The following NRG3 variants were observed in gnomAD, a reference collection of about 807,000 sequenced individuals.
The protein encoded by NRG3 is neuregulin 3.
Under a neutral mutation model 66.9 loss-of-function variants are expected in NRG3, and 31 were observed. The ratio of observed to expected loss-of-function variants is 0.46; its 90% CI spans 0.35 to 0.63. The LOEUF (loss-of-function observed/expected upper bound fraction) is 0.63, where lower values mean the gene tolerates loss of function less well. NRG3 is among the 20% of genes least tolerant of loss of function. The pLI is 0.00. For synonymous variants in NRG3, 393 were observed against 359.4 expected, an observed-to-expected ratio of 1.09 and a Z score of -1.06; for missense variants, 910 against 878.9, an observed-to-expected ratio of 1.04 and a Z score of -0.45.
intron 1 of NRG3, among the ~76,000 whole-genome samples, chr10:82,121,110 G>A (rs2068062518): frequency 6.6e-6 from 1 of 152,042 alleles, no homozygotes; most frequent in South Asian, 2.1e-4. Context: ...TCTGGTGCTC[G>A]ATGCCTCAGT....
intron 1 of NRG3, among the ~76,000 whole-genome samples, chr10:82,309,403 T>A (rs982184381): frequency 6.6e-6 from 1 of 152,154 alleles, no homozygotes; most frequent in African/African-American, 2.4e-5. Flanking sequence ...TCTTGCAGTA[T>A]TTTGAAGTCT....
chr10:82,028,398 A>G (rs954341000), intron 1 of NRG3, among the ~76,000 whole-genome samples: 4 of 151,686 alleles, frequency 2.6e-5, no homozygotes, highest in Non-Finnish European at 4.4e-5. Context: ...GCTCTTCAAT[A>G]GTCTCACTCT....
At chr10:81,919,662 T>A (rs1308650578) in intron 1 of NRG3, among the ~76,000 whole-genome samples, 1 of 151,982 alleles carries the variant, frequency 6.6e-6, no homozygotes, top group Non-Finnish European at 1.5e-5. Flanking sequence ...AAATGACAGG[T>A]TCCCCCAAAA....
chr10:82,166,773 GCTTTAA>G (rs1311191513), intron 1 of NRG3: 1 of 684,230 alleles, frequency 1.5e-6, no homozygotes, highest in Non-Finnish European at 2.7e-6. Context: ...TGGAGGACTT[GCTTTAA>G]CATTTCAAGT....
chr10:82,662,749 G>T (rs1364221559), intron 2 of NRG3, among the ~76,000 whole-genome samples: 1 of 152,154 alleles, frequency 6.6e-6, no homozygotes, highest in South Asian at 2.1e-4. Flanking sequence ...AAAAGCTTGG[G>T]CAGGGTAGAA....
chr10:82,946,812 A>G (rs1849071923), intron 4 of NRG3, among the ~76,000 whole-genome samples: 1 of 152,178 alleles, frequency 6.6e-6, no homozygotes, highest in Non-Finnish European at 1.5e-5. Flanking sequence ...ATTGCCTGCT[A>G]CATGGAGAAT....
chr10:82,904,138 GC>G (rs1224110116), intron 4 of NRG3, among the ~76,000 whole-genome samples: 1 of 152,174 alleles, frequency 6.6e-6, no homozygotes, highest in Non-Finnish European at 1.5e-5. Context: ...GCCACATGTG[GC>G]CCAGGACAGC....
At chr10:82,931,886 G>A (rs1847611743) in intron 4 of NRG3, among the ~76,000 whole-genome samples, 1 of 152,148 alleles carries the variant, frequency 6.6e-6, no homozygotes, top group Non-Finnish European at 1.5e-5. Flanking sequence ...TACAGCATGT[G>A]TTTGAGTCCC....
intron 2 of NRG3, among the ~76,000 whole-genome samples, chr10:82,637,937 A>G (rs2133787733): frequency 6.6e-6 from 1 of 152,130 alleles, no homozygotes. Context: ...AAATGTCCTC[A>G]TTTGTGAGAA....
intron 7 of NRG3, among the ~76,000 whole-genome samples, chr10:82,975,936 C>A (rs1287060547): frequency 5.9e-5 from 9 of 152,134 alleles, no homozygotes; most frequent in Non-Finnish European, 1.3e-4. Flanking sequence ...GCTATTAATT[C>A]AAAGCCATTA....
chr10:82,385,819 A>G (rs1384371885), intron 2 of NRG3, among the ~76,000 whole-genome samples: 2 of 152,170 alleles, frequency 1.3e-5, no homozygotes, highest in East Asian at 3.8e-4. Flanking sequence ...GGCAAGAGGT[A>G]TAGTGAAAAA....
intron 2 of NRG3, among the ~76,000 whole-genome samples, chr10:82,535,902 CTTT>C (rs34319022): frequency 5.6e-4 from 74 of 132,956 alleles, no homozygotes; most frequent in Non-Finnish European, 5.3e-4. Context: ...TTAAAGTAGT[CTTT>C]TTTTTTTTTT....
intron 1 of NRG3, among the ~76,000 whole-genome samples, chr10:82,127,146 G>T (rs1226773000): frequency 6.6e-6 from 1 of 152,140 alleles, no homozygotes; most frequent in Non-Finnish European, 1.5e-5. Flanking sequence ...GAGGGTGGCT[G>T]CAGGTGCTGC....
rs200364357 is a variant in NRG3, at chr10:82,730,461, G to C, written c.954-8116G>C. Among the ~76,000 whole-genome samples the C allele has an allele frequency of 1.2e-4, 18 of 152,242 alleles. No individual in the cohort carries two copies. The East Asian group carries it at 3.3e-3, about 28-fold the overall frequency. ...CAGAGTGACATTTTAAGCAATGCTT[G>C]CATCAGACAAAAAATGTATGATGTA... On this transcript the variant is annotated intron_variant, in intron 2 of 8. Coordinates refer to ENST00000372141, the MANE Select transcript of NRG3 (RefSeq NM_001010848.4).
At chr10:82,001,297 G>A (rs761541742) in intron 1 of NRG3, among the ~76,000 whole-genome samples, 6 of 152,020 alleles carry the variant, frequency 3.9e-5, no homozygotes, top group Non-Finnish European at 8.8e-5. Flanking sequence ...GAGGTCAGGA[G>A]TTTGAGACCA....
At chr10:82,260,497 A>G (rs1021313569) in intron 1 of NRG3, among the ~76,000 whole-genome samples, 3 of 152,188 alleles carry the variant, frequency 2.0e-5, no homozygotes, top group African/African-American at 7.2e-5. Flanking sequence ...TAACATGACA[A>G]TGACAGGTTG....
chr10:82,077,161 C>A (rs1331456524), intron 1 of NRG3, among the ~76,000 whole-genome samples: 3 of 152,128 alleles, frequency 2.0e-5, no homozygotes, highest in Non-Finnish European at 4.4e-5. Context: ...CACACATCAG[C>A]CATTTTTCAC....
intron 3 of NRG3, among the ~76,000 whole-genome samples, chr10:82,763,401 G>C (rs2059399997): frequency 6.6e-6 from 1 of 151,974 alleles, no homozygotes; most frequent in African/African-American, 2.4e-5. Flanking sequence ...TATAATGAAA[G>C]ATAATTATCT....
chr10:82,548,561 GCA>G (rs1590622260), intron 2 of NRG3, among the ~76,000 whole-genome samples: 1 of 123,624 alleles, frequency 8.1e-6, no homozygotes, highest in African/African-American at 3.1e-5. Context: ...ACACACACAC[GCA>G]CACGCACAAT....
Sources: allele counts gnomAD v4.1 joint callset (sites outside exome capture counted in the v4.1 genomes callset), GRCh38; gene constraint gnomAD v4.1.1; transcripts MANE v1.5; gene names NCBI Gene and HGNC (gene_info 2026-07-23, HGNC 2026-07-21).